The following HECTD4 variants were observed in gnomAD, a reference collection of about 807,000 sequenced individuals.
HECTD4 encodes probable E3 ubiquitin-protein ligase HECTD4.
HECTD4 carries 114 observed loss-of-function variants against 471.5 expected under a neutral mutation model. That is an observed-to-expected ratio of 0.24 (90% confidence interval 0.21 to 0.28). HECTD4 has a LOEUF of 0.28. HECTD4 is among the 10% of genes least tolerant of loss of function. The probability of loss-of-function intolerance (pLI) is 1.00; values close to 1 mark genes in which losing one functional copy is unlikely to be tolerated. For synonymous variants in HECTD4, 2,012 were observed against 2,256.0 expected (o/e 0.89, Z 3.07); for missense variants, 3,866 against 5,651.5 (o/e 0.68, Z 10.13).
At chr12:112,169,942 A>G (rs914313897) in intron 69 of HECTD4, 13 of 564,562 alleles carry the variant, frequency 2.3e-5, no homozygotes, top group Non-Finnish European at 3.8e-5. Context: ...TCGCCCCCCA[A>G]CTCCTCTCTC....
chr12:112,235,286 C>G lies in HECTD4; in HGVS notation c.5726-20G>C. 6.3e-7 allele frequency: 1 copy of G among 1,597,802 alleles called. No homozygotes were observed. Among genetic ancestry groups the G allele is most frequent in the Non-Finnish European group, 8.5e-7 (1 of 1,172,878 alleles). The stretch of plus-strand genomic sequence containing the variant: ...GACATCCTTTAAGCAAAAAACAAAG[C>G]TCATTCAGGAAAACTGCAGTGTTGT... On this transcript the variant is annotated intron_variant, in intron 36 of 75. Coordinates refer to ENST00000682272, the MANE Select transcript of HECTD4 (RefSeq NM_001388303.1). This position sits in a 1 kb window ranked among gnomAD's most constrained non-coding sequence, Gnocchi z 5.0.
Position 112,184,787 on chromosome 12 carries a change from G to A in HECTD4, c.10179C>T (p.Thr3393=), listed in dbSNP as rs1442939402. 2.5e-6 allele frequency: 4 copies of A among 1,611,098 alleles called. No homozygotes were observed. The highest frequency in any genetic ancestry group is 1.7e-4 in the Middle Eastern group (1 of 6,052). The change falls in exon 61 of 76, where the codon ACC becomes ACT. Residue 3393 remains threonine, a synonymous_variant. Transcript: ENST00000682272. This position sits in a 1 kb window ranked among gnomAD's most constrained non-coding sequence, Gnocchi z 9.1. Reference sequence around the variant, plus strand: ...AGATCACCAGCAAGCGGCTGTGGGCGGTGGGGCCCACCAGGGCCTGGCAGG... The same window carrying A: ...AGATCACCAGCAAGCGGCTGTGGGCAGTGGGGCCCACCAGGGCCTGGCAGG... The part of the protein sequence containing the change: ...ADACQALVGP[T]AHSRLLVISG...
chr12:112,269,018 G>C (rs1237003530), intron 13 of HECTD4, among the ~76,000 whole-genome samples: 1 of 150,440 alleles, frequency 6.6e-6, no homozygotes, highest in African/African-American at 2.4e-5. Flanking sequence ...GGGACTACAG[G>C]AGCGCGCCAC....
intron 1 of HECTD4, among the ~76,000 whole-genome samples, chr12:112,333,230 C>T (rs953390432): frequency 3.9e-5 from 6 of 152,128 alleles, no homozygotes; most frequent in Non-Finnish European, 8.8e-5. Flanking sequence ...ATGGAACAGC[C>T]GAGTCACATG....
At chr12:112,206,778 C>T (rs2032599309) in intron 52 of HECTD4, among the ~76,000 whole-genome samples, 1 of 152,094 alleles carries the variant, frequency 6.6e-6, no homozygotes, top group Non-Finnish European at 1.5e-5. Flanking sequence ...CCTCATGATC[C>T]GCCTGCCTTG....
Position 112,163,662 on chromosome 12 carries a change from C to T in HECTD4, c.12777G>A (p.Val4259=), listed in dbSNP as rs2030796971. Residue 4259 remains valine, a synonymous_variant, in exon 74 of 76, where the codon GTG becomes GTA. Coordinates refer to ENST00000682272, the MANE Select transcript of HECTD4 (RefSeq NM_001388303.1). This position sits in a 1 kb window ranked among gnomAD's most constrained non-coding sequence, Gnocchi z 8.2. ...AGCCCAGGCCGGCCCGCACGGCCGTCACGCACTCCACATTCTGCAGCTCCC... is the reference window on the plus strand; with the variant it reads ...AGCCCAGGCCGGCCCGCACGGCCGTTACGCACTCCACATTCTGCAGCTCCC... ...RLRELQNVEC[V]TAVRAGLGSI... The T allele has an allele frequency of 6.5e-7, 1 of 1,536,974 alleles. No homozygotes were observed. The highest frequency in any genetic ancestry group is 8.8e-7 in the Non-Finnish European group (1 of 1,141,388).
chr12:112,339,821 G>A (rs2036023555), intron 1 of HECTD4, among the ~76,000 whole-genome samples: 1 of 152,186 alleles, frequency 6.6e-6, no homozygotes, highest in African/African-American at 2.4e-5. Context: ...GGCTGAGGCA[G>A]GTGGATTACC....
intron 62 of HECTD4, among the ~76,000 whole-genome samples, chr12:112,180,554 C>CA (rs894718737): frequency 6.7e-6 from 1 of 149,456 alleles, no homozygotes; most frequent in African/African-American, 2.5e-5. Context: ...ACAACAACAA[C>CA]AAAAAAAAGG....
At chr12:112,301,332 C>T (rs2035160711) in intron 7 of HECTD4, among the ~76,000 whole-genome samples, 2 of 151,008 alleles carry the variant, frequency 1.3e-5, no homozygotes, top group Non-Finnish European at 3.0e-5. Flanking sequence ...TACAGGTGCC[C>T]ACCACCATGC....
At position 112,226,192 on chromosome 12, in the gene HECTD4, T is replaced by TACACACACAC. The variant is rs58470224; in HGVS notation, c.6970+441_6970+450dup. Among the ~76,000 whole-genome samples the TACACACACAC allele has an allele frequency of 2.0e-5, 3 of 150,440 alleles. No individual in the cohort carries two copies. The East Asian group carries it at 5.9e-4, about 30-fold the overall frequency. ...CAATTTTGGTATTTGGACTTTTCCA[T>TACACACACAC]ACACACACACACACACTCACACACA... On this transcript the variant is annotated intron_variant, in intron 44 of 75. Transcript: ENST00000682272.
intron 29 of HECTD4, among the ~76,000 whole-genome samples, chr12:112,246,450 A>T (rs2033763228): frequency 6.6e-6 from 1 of 152,094 alleles, no homozygotes; most frequent in Non-Finnish European, 1.5e-5. Flanking sequence ...CCTAGCCAAC[A>T]TAGTGAAACC....
chr12:112,250,965 T>C lies in HECTD4; in HGVS notation c.3716+6A>G, dbSNP rs2033869401. On this transcript the variant is annotated splice_donor_region_variant and intron_variant, in intron 24 of 75. Transcript: ENST00000682272. ...AACACTAGCTCAATTTCAACCTTTT[T>C]GTTACCTTTGTAAAAGTTTGGACCG... 6.2e-7 allele frequency: 1 copy of C among 1,604,470 alleles called. No homozygotes were observed. Among genetic ancestry groups the C allele is most frequent in the East Asian group, 2.2e-5 (1 of 44,752 alleles).
At chr12:112,212,818 C>T (rs145494708) in intron 48 of HECTD4, among the ~76,000 whole-genome samples, 168 bp from the exon 49 acceptor site, 8,362 of 150,556 alleles carry the variant, frequency 0.056, 301 homozygotes, top group Middle Eastern at 0.16. Flanking sequence ...TTTATTGAGA[C>T]GGAGTCTCAC....
chr12:112,320,700 T>TAA (rs200615771), intron 1 of HECTD4, among the ~76,000 whole-genome samples: 1 of 147,072 alleles, frequency 6.8e-6, no homozygotes, highest in Non-Finnish European at 1.5e-5. Context: ...GACTCTGTCT[T>TAA]AAAAAAAAAA....
intron 60 of HECTD4, among the ~76,000 whole-genome samples, chr12:112,186,403 T>G (rs2031865077): frequency 6.7e-6 from 1 of 148,872 alleles, no homozygotes; most frequent in South Asian, 2.1e-4. Flanking sequence ...AGTGGCGTGA[T>G]CTCAGCTCAC....
At chr12:112,183,339 C>T in intron 61 of HECTD4, 73 bp from the exon 62 acceptor site, 2 of 1,152,210 alleles carry the variant, frequency 1.7e-6, no homozygotes, top group Non-Finnish European at 1.3e-6. Flanking sequence ...ACTTCTCCCT[C>T]CCACCTTTTC....
intron 1 of HECTD4, among the ~76,000 whole-genome samples, chr12:112,343,742 G>A (rs559541972): frequency 6.6e-6 from 1 of 152,154 alleles, no homozygotes; most frequent in South Asian, 2.1e-4. Flanking sequence ...CTATACTGCA[G>A]CCTGGGCAAC....
chr12:112,258,425 TA>T, intron 20 of HECTD4, 70 bp downstream of exon 20: 1 of 1,070,590 alleles, frequency 9.3e-7, no homozygotes, highest in Non-Finnish European at 1.3e-6. Flanking sequence ...ATCATTTTCA[TA>T]AAAGGAGTAC....
At chr12:112,176,074 G>A (rs1366592535) in intron 65 of HECTD4, among the ~76,000 whole-genome samples, 1 of 152,178 alleles carries the variant, frequency 6.6e-6, no homozygotes, top group Non-Finnish European at 1.5e-5. Context: ...TGAGGGCTCT[G>A]TCTCCCTCAA....
Sources: gnomAD v4.1 joint callset for allele counts (sites outside exome capture counted in the v4.1 genomes callset) on GRCh38, gnomAD v4.1.1 for gene constraint, Gnocchi (gnomAD v3.1) non-coding constraint, MANE v1.5 for transcripts, NCBI Gene and HGNC (gene_info 2026-07-23, HGNC 2026-07-21) for gene names.